The following SHOC2 variants were observed in gnomAD, a reference collection of about 807,000 sequenced individuals.
The protein encoded by SHOC2 is leucine-rich repeat protein SHOC-2.
Under a neutral mutation model 50.2 loss-of-function variants are expected in SHOC2, and 4 were observed. That is an observed-to-expected ratio of 0.08 (90% CI 0.04 to 0.18). The LOEUF (loss-of-function observed/expected upper bound fraction) is 0.18, where lower values mean the gene tolerates loss of function less well. SHOC2 is among the 10% of genes least tolerant of loss of function. The pLI is 1.00. For synonymous variants in SHOC2, 218 were observed against 244.5 expected, an observed-to-expected ratio of 0.89 and a Z score of 1.01; for missense variants, 388 against 669.6, an observed-to-expected ratio of 0.58 and a Z score of 4.64.
At chr10:110,969,723 G>T (rs537830471) in intron 2 of SHOC2, among the ~76,000 whole-genome samples, 4 of 152,090 alleles carry the variant, frequency 2.6e-5, no homozygotes, top group African/African-American at 9.6e-5. Context: ...TACATTGTAG[G>T]TTCAATAAAA....
intron 2 of SHOC2, among the ~76,000 whole-genome samples, chr10:110,970,193 C>T (rs1847752593): frequency 6.6e-6 from 1 of 152,160 alleles, no homozygotes; most frequent in Non-Finnish European, 1.5e-5. Context: ...CTCCCCATCC[C>T]GCTGCTCCCC....
chr10:110,997,540 C>CCCA (rs1848291440), intron 3 of SHOC2, among the ~76,000 whole-genome samples: 1 of 150,776 alleles, frequency 6.6e-6, no homozygotes, highest in African/African-American at 2.5e-5. Flanking sequence ...TTTTCCCCCC[C>CCCA]AACTTAACAT....
chr10:111,001,400 C>A (rs1192740303), intron 4 of SHOC2, among the ~76,000 whole-genome samples: 2 of 152,070 alleles, frequency 1.3e-5, no homozygotes, highest in East Asian at 3.9e-4. Context: ...AGTGGTCCAC[C>A]CTCCTCGGCC....
intron 2 of SHOC2, among the ~76,000 whole-genome samples, chr10:110,974,178 C>T (rs1252146882): frequency 6.6e-6 from 1 of 151,956 alleles, no homozygotes; most frequent in Non-Finnish European, 1.5e-5. Flanking sequence ...TTTTTAGCAG[C>T]ACACAAATTT....
intron 1 of SHOC2, among the ~76,000 whole-genome samples, chr10:110,951,037 G>A (rs980583407): frequency 6.6e-6 from 1 of 152,128 alleles, no homozygotes; most frequent in African/African-American, 2.4e-5. Context: ...ATAGAGAAAT[G>A]GTATTGCATC....
At position 111,009,310 on chromosome 10, in the gene SHOC2, G is replaced by T; in HGVS notation, c.1347G>T (p.Lys449Asn). Residue 449 changes from lysine (K) to asparagine (N), a missense_variant, in exon 7 of 9, where the codon AAG (lysine) becomes AAT (asparagine). Transcript: ENST00000369452. ...CCCATGGTCTTGGAAACCTTAGGAAGTTAAGAGAGTTGGATCTAGAAGAGA... is the reference window on the plus strand; with the variant it reads ...CCCATGGTCTTGGAAACCTTAGGAATTTAAGAGAGTTGGATCTAGAAGAGA... ...KLPHGLGNLR[K>N]LRELDLEENK... 6.2e-7 allele frequency: 1 copy of T among 1,601,860 alleles called. No homozygotes were observed. Among genetic ancestry groups the T allele is most frequent in the Non-Finnish European group, 8.6e-7 (1 of 1,169,210 alleles).
Position 111,007,670 on chromosome 10 carries a change from A to T in SHOC2, c.1284+17A>T, listed in dbSNP as rs1250751516. The T allele has an allele frequency of 2.0e-5, 33 of 1,612,804 alleles. No individual in the cohort carries two copies. The highest frequency in any genetic ancestry group is 2.7e-5 in the Non-Finnish European group (32 of 1,179,142). ...TCTCTTGAGGTTAGTATAAATGAGC[A>T]ATTAGAGAACTTCAGAACCTTCCAT... On this transcript the variant is annotated intron_variant, in intron 6 of 8. Coordinates refer to ENST00000369452, the MANE Select transcript of SHOC2 (RefSeq NM_007373.4).
intron 3 of SHOC2, among the ~76,000 whole-genome samples, chr10:110,986,232 AAT>A (rs1848073713): frequency 6.6e-6 from 1 of 152,178 alleles, no homozygotes; most frequent in Non-Finnish European, 1.5e-5. Context: ...TGAAGTTCAA[AAT>A]ATGTTTTATA....
chr10:110,951,793 G>C (rs1014451969), intron 1 of SHOC2: 2 of 152,088 alleles, frequency 1.3e-5, no homozygotes, highest in Non-Finnish European at 2.9e-5. Context: ...AGCCTCCCAG[G>C]TAACTAGGAT....
intron 2 of SHOC2, among the ~76,000 whole-genome samples, chr10:110,983,695 C>T (rs1282701942): frequency 6.6e-6 from 1 of 152,170 alleles, no homozygotes; most frequent in East Asian, 1.9e-4. Flanking sequence ...TCCTCAGCAC[C>T]TACTAACCAC....
In SHOC2 at chr10:111,012,926, A is replaced by G. The variant is rs1031242870; in HGVS notation, c.*1108A>G. The G allele has an allele frequency of 6.6e-6, 1 of 152,642 alleles. No homozygotes were observed. Among genetic ancestry groups the G allele is most frequent in the Non-Finnish European group, 1.5e-5 (1 of 68,020 alleles). The allele number at this position is 152,642 out of a possible 1,614,324, so 9.5% of individuals were successfully genotyped here. On this transcript the variant is annotated 3_prime_UTR_variant, in exon 9 of 9. Transcript: ENST00000369452. ...TGGAATATCTGTGTCTAAGCACAAT[A>G]TCTTCACACTGTGCTGTATTGCTGC...
intron 1 of SHOC2, among the ~76,000 whole-genome samples, chr10:110,952,644 C>T (rs1212849363): frequency 1.3e-5 from 2 of 151,994 alleles, no homozygotes; most frequent in African/African-American, 2.4e-5. Flanking sequence ...TTTGCTGCAT[C>T]GATCAACCTG....
intron 2 of SHOC2, among the ~76,000 whole-genome samples, chr10:110,966,513 T>C (rs955515639): frequency 6.6e-6 from 1 of 152,224 alleles, no homozygotes; most frequent in East Asian, 1.9e-4. Flanking sequence ...TCTTTGTTCT[T>C]GTTGTTTTGT....
chr10:110,993,185 A>T (rs892095549), intron 3 of SHOC2, among the ~76,000 whole-genome samples: 3 of 152,240 alleles, frequency 2.0e-5, no homozygotes, highest in African/African-American at 7.2e-5. Context: ...ACAGGAGCTC[A>T]GCAACAATGA....
At chr10:110,979,640 C>T (rs1440907564) in intron 2 of SHOC2, among the ~76,000 whole-genome samples, 2 of 152,314 alleles carry the variant, frequency 1.3e-5, no homozygotes, top group South Asian at 2.1e-4. Flanking sequence ...TCAGTGTTTG[C>T]AGATGTTAAA....
chr10:110,998,932 T>G (rs1337397912), intron 3 of SHOC2, among the ~76,000 whole-genome samples: 1 of 152,246 alleles, frequency 6.6e-6, no homozygotes, highest in Non-Finnish European at 1.5e-5. Flanking sequence ...GCTTAACTTA[T>G]GCTATAGACT....
intron 1 of SHOC2, among the ~76,000 whole-genome samples, chr10:110,950,151 A>AC (rs1239284856): frequency 2.0e-5 from 3 of 152,200 alleles, no homozygotes; most frequent in Admixed American, 6.5e-5. Context: ...AGGAAACCCT[A>AC]AGGACTCCGC....
At chr10:110,949,539 C>A (rs1411955464) in intron 1 of SHOC2, among the ~76,000 whole-genome samples, 10 of 152,094 alleles carry the variant, frequency 6.6e-5, no homozygotes, top group Admixed American at 1.3e-4. Flanking sequence ...TCCTAAAACT[C>A]TTCCAAAACC....
chr10:110,971,896 A>G (rs1334414469), intron 2 of SHOC2, among the ~76,000 whole-genome samples: 1 of 151,972 alleles, frequency 6.6e-6, no homozygotes, highest in Admixed American at 6.6e-5. Context: ...TGATGTACAT[A>G]TAACTGACAC....
Sources: allele counts gnomAD v4.1 joint callset (sites outside exome capture counted in the v4.1 genomes callset), GRCh38; gene constraint gnomAD v4.1.1; transcripts MANE v1.5; gene names NCBI Gene and HGNC (gene_info 2026-07-23, HGNC 2026-07-21).